RGS7: variants seen among roughly 807,000 people sequenced by gnomAD.
The protein encoded by RGS7 is regulator of G-protein signaling 7.
RGS7 carries 27 observed loss-of-function variants against 81.1 expected under a neutral mutation model. The ratio of observed to expected loss-of-function variants is 0.33; its 90% confidence interval spans 0.25 to 0.46. The LOEUF (loss-of-function observed/expected upper bound fraction) is 0.46, where lower values mean the gene tolerates loss of function less well. Among genes scored for constraint, RGS7 ranks in the 20% least tolerant of loss-of-function variants. The probability of loss-of-function intolerance (pLI) is 1.00; values close to 1 mark genes in which losing one functional copy is unlikely to be tolerated. For synonymous variants in RGS7, 208 were observed against 207.7 expected (o/e 1.00, Z -0.01); for missense variants, 396 against 607.4 (o/e 0.65, Z 3.66).
chr1:240,898,089 T>G (rs993237969), intron 6 of RGS7, among the ~76,000 whole-genome samples: 1 of 152,196 alleles, frequency 6.6e-6, no homozygotes, highest in Non-Finnish European at 1.5e-5. Context: ...TATAGTATTC[T>G]CTGATGGTAG....
intron 2 of RGS7, among the ~76,000 whole-genome samples, chr1:241,154,079 CAT>C (rs1237654629): frequency 6.6e-6 from 1 of 152,200 alleles, no homozygotes; most frequent in Non-Finnish European, 1.5e-5. Context: ...AGGAGACAGA[CAT>C]GTGTCCTGTT....
intron 2 of RGS7, among the ~76,000 whole-genome samples, chr1:241,178,546 A>G (rs1352958577): frequency 6.6e-6 from 1 of 152,208 alleles, no homozygotes; most frequent in East Asian, 1.9e-4. Flanking sequence ...CCAAGAAAGT[A>G]GAAGGAAAAC....
chr1:240,844,830 C>T (rs1028477843), intron 9 of RGS7, among the ~76,000 whole-genome samples: 3 of 152,124 alleles, frequency 2.0e-5, no homozygotes, highest in African/African-American at 7.2e-5. Flanking sequence ...TCTAAAACAG[C>T]TCAAGGTATC....
chr1:241,269,230 G>A (rs1366363227), intron 2 of RGS7, among the ~76,000 whole-genome samples: 3 of 152,210 alleles, frequency 2.0e-5, no homozygotes, highest in Non-Finnish European at 4.4e-5. Flanking sequence ...CAGCCTAGAC[G>A]CCTTGGCTGA....
chr1:241,065,616 T>C (rs1320714529), intron 3 of RGS7, among the ~76,000 whole-genome samples: 1 of 152,204 alleles, frequency 6.6e-6, no homozygotes, highest in African/African-American at 2.4e-5. Flanking sequence ...AATTTAGATG[T>C]GAAATTAATG....
chr1:241,210,835 G>A (rs2074202687), intron 2 of RGS7, among the ~76,000 whole-genome samples: 1 of 152,178 alleles, frequency 6.6e-6, no homozygotes, highest in Admixed American at 6.5e-5. Context: ...GACCTCCCCG[G>A]ATCTCTACTC....
At chr1:240,884,408 AG>A (rs1440510366) in intron 6 of RGS7, among the ~76,000 whole-genome samples, 1 of 152,214 alleles carries the variant, frequency 6.6e-6, no homozygotes, top group East Asian at 1.9e-4. Flanking sequence ...TCAGCGTTCA[AG>A]GTAACTTTAT....
At chr1:241,153,035 A>G (rs1288025840) in intron 2 of RGS7, among the ~76,000 whole-genome samples, 1 of 152,210 alleles carries the variant, frequency 6.6e-6, no homozygotes, top group East Asian at 1.9e-4. Flanking sequence ...AAGATCGATG[A>G]GTTGTTTTAT....
At chr1:240,832,696 G>T (rs1263093785) in intron 9 of RGS7, among the ~76,000 whole-genome samples, 1 of 152,200 alleles carries the variant, frequency 6.6e-6, no homozygotes, top group Non-Finnish European at 1.5e-5. Flanking sequence ...GAGGAATACA[G>T]AACAGCTGTG....
At chr1:241,227,982 G>A (rs1327498184) in intron 2 of RGS7, among the ~76,000 whole-genome samples, 1 of 152,084 alleles carries the variant, frequency 6.6e-6, no homozygotes, top group Non-Finnish European at 1.5e-5. Flanking sequence ...TTCAGATCTA[G>A]GCTACCTTAT....
intron 3 of RGS7, among the ~76,000 whole-genome samples, chr1:241,033,005 T>C (rs540304499): frequency 2.6e-4 from 39 of 152,310 alleles, no homozygotes; most frequent in African/African-American, 9.1e-4. Context: ...TGGCTAGGAC[T>C]TGCAGTATTG....
intron 5 of RGS7, among the ~76,000 whole-genome samples, chr1:240,933,910 GAAATA>G (rs1294011544): frequency 6.6e-6 from 1 of 151,930 alleles, no homozygotes; most frequent in Non-Finnish European, 1.5e-5. Context: ...TCATGCCAAT[GAAATA>G]AAGATTTCTG....
At chr1:241,083,890 C>A (rs2063290377) in intron 3 of RGS7, among the ~76,000 whole-genome samples, 1 of 152,034 alleles carries the variant, frequency 6.6e-6, no homozygotes, top group South Asian at 2.1e-4. Flanking sequence ...TGAAAAAAAA[C>A]TCACAATTAG....
At chr1:241,245,188 A>ACATCAAATTATAATCCCC (rs2076459709) in intron 2 of RGS7, among the ~76,000 whole-genome samples, 1 of 152,160 alleles carries the variant, frequency 6.6e-6, no homozygotes, top group East Asian at 1.9e-4. Context: ...CCCAAATCTC[A>ACATCAAATTATAATCCCC]CATCAAATTA....
chr1:240,967,643 T>C (rs887922516), intron 4 of RGS7, among the ~76,000 whole-genome samples: 1 of 150,298 alleles, frequency 6.7e-6, no homozygotes, highest in East Asian at 2.0e-4. Context: ...CATGAGATAC[T>C]GGTTCACGAG....
chr1:241,017,278 C>G (rs993218592), intron 3 of RGS7, among the ~76,000 whole-genome samples: 1 of 151,986 alleles, frequency 6.6e-6, no homozygotes, highest in East Asian at 1.9e-4. Flanking sequence ...CCCGTCTCTA[C>G]TAAAATACAA....
rs536447614 is a variant in RGS7 at position 241,294,357 on chromosome 1, G to A, written c.78+61342C>T. Among the ~76,000 whole-genome samples the A allele has an allele frequency of 1.6e-3, 248 of 152,200 alleles. 1 individual carries two copies. The highest frequency in any genetic ancestry group is 2.7e-3 in the Non-Finnish European group (185 of 67,996). On this transcript the variant is annotated intron_variant, in intron 2 of 18. Coordinates refer to ENST00000440928, the MANE Select transcript of RGS7 (RefSeq NM_001364886.1). Reference sequence around the variant, plus strand: ...AAACCTAGACGATGGGTTGACAGGTGCAGCAAACCACCATGGCACATGTAT... The same window carrying A: ...AAACCTAGACGATGGGTTGACAGGTACAGCAAACCACCATGGCACATGTAT...
chr1:241,001,918 T>C (rs1688197149), intron 3 of RGS7, among the ~76,000 whole-genome samples: 2 of 152,072 alleles, frequency 1.3e-5, no homozygotes, highest in South Asian at 4.2e-4. Context: ...CTATGGCCCC[T>C]GTGTGATAAT....
chr1:241,257,970 T>C (rs1357632618), intron 2 of RGS7, among the ~76,000 whole-genome samples: 1 of 152,180 alleles, frequency 6.6e-6, no homozygotes, highest in Non-Finnish European at 1.5e-5. Context: ...TCATATAGTA[T>C]AAAGGTATTA....
Sources: gnomAD v4.1 joint callset for allele counts (sites outside exome capture counted in the v4.1 genomes callset) on GRCh38, gnomAD v4.1.1 for gene constraint, MANE v1.5 for transcripts, NCBI Gene and HGNC (gene_info 2026-07-23, HGNC 2026-07-21) for gene names.